Variants in MET observed in about 807,000 individuals in gnomAD.
The protein encoded by MET is hepatocyte growth factor receptor.
A neutral mutation model predicts 133.1 loss-of-function variants in MET; 48 were observed. The observed-to-expected ratio is 0.36, with a 90% CI of 0.29 to 0.46. The LOEUF is 0.46. Among genes scored for constraint, MET ranks in the 20% least tolerant of loss-of-function variants. The probability of loss-of-function intolerance (pLI) is 1.00; values close to 1 mark genes in which losing one functional copy is unlikely to be tolerated. For synonymous variants in MET, 628 were observed against 616.5 expected (o/e 1.02, Z -0.28); for missense variants, 1,442 against 1,695.9 (o/e 0.85, Z 2.63).
chr7:116,771,824 G>A (rs2116995344), intron 13 of MET, 25 bp from the exon 14 acceptor site: 1 of 1,613,650 alleles, frequency 6.2e-7, no homozygotes, highest in Non-Finnish European at 8.5e-7. Flanking sequence ...TCTTTAACAA[G>A]CTCTTTCTTT....
At chr7:116,734,594 T>C (rs1009436489) in intron 3 of MET, among the ~76,000 whole-genome samples, 3 of 152,258 alleles carry the variant, frequency 2.0e-5, no homozygotes, top group Non-Finnish European at 2.9e-5. Context: ...TACTGATGCA[T>C]ACATATATTT....
intron 1 of MET, among the ~76,000 whole-genome samples, chr7:116,697,655 C>A (rs1220008281): frequency 1.3e-5 from 2 of 152,162 alleles, no homozygotes; most frequent in Non-Finnish European, 2.9e-5. Context: ...ACACCTTCTG[C>A]ATCTCAGGCT....
intron 19 of MET, among the ~76,000 whole-genome samples, chr7:116,789,040 C>G (rs1584971247): frequency 6.6e-6 from 1 of 152,144 alleles, no homozygotes; most frequent in Non-Finnish European, 1.5e-5. Flanking sequence ...GTTCTCAGCC[C>G]TTATCTGCCT....
intron 17 of MET, among the ~76,000 whole-genome samples, chr7:116,780,220 G>A (rs1389010919): frequency 1.3e-5 from 2 of 151,970 alleles, no homozygotes; most frequent in African/African-American, 4.8e-5. Flanking sequence ...GGGAGGGTGG[G>A]AATAAGAATC....
intron 12 of MET, among the ~76,000 whole-genome samples, chr7:116,771,215 C>A (rs1437691322): frequency 6.6e-6 from 1 of 152,100 alleles, no homozygotes; most frequent in Non-Finnish European, 1.5e-5. Flanking sequence ...GTCTGTCTCC[C>A]CTTCTATACT....
chr7:116,778,704 TC>T, intron 16 of MET, 71 bp from the exon 17 acceptor site: 1 of 1,493,310 alleles, frequency 6.7e-7, no homozygotes, highest in East Asian at 2.3e-5. Flanking sequence ...TCATTGCTCT[TC>T]CTATCTAAAT....
At chr7:116,793,756 T>A (rs567511555) in intron 19 of MET, among the ~76,000 whole-genome samples, 101 of 151,572 alleles carry the variant, frequency 6.7e-4, no homozygotes, top group African/African-American at 2.4e-3. Context: ...AAAATTAGCC[T>A]GGCATGGTGG....
intron 19 of MET, among the ~76,000 whole-genome samples, chr7:116,788,278 T>C (rs1795378839): frequency 6.6e-6 from 1 of 152,160 alleles, no homozygotes; most frequent in Admixed American, 6.5e-5. Context: ...TCTATATAAA[T>C]TTACTAAACA....
At chr7:116,740,587 T>C (rs1793406506) in intron 4 of MET, among the ~76,000 whole-genome samples, 1 of 152,210 alleles carries the variant, frequency 6.6e-6, no homozygotes, top group Admixed American at 6.5e-5. Flanking sequence ...GTCCCTACTA[T>C]GTAGAACCTC....
At chr7:116,716,961 C>G (rs1432841316) in intron 2 of MET, among the ~76,000 whole-genome samples, 1 of 152,174 alleles carries the variant, frequency 6.6e-6, no homozygotes, top group Non-Finnish European at 1.5e-5. Context: ...ATTTTGCCCC[C>G]CCCAGCTTTG....
intron 19 of MET, among the ~76,000 whole-genome samples, chr7:116,788,348 G>T (rs772735574): frequency 1.7e-4 from 26 of 152,062 alleles, no homozygotes; most frequent in Non-Finnish European, 3.5e-4. Flanking sequence ...TGAGTTTTAT[G>T]ATCTATAAAT....
At chr7:116,753,805 T>G (rs2116896271) in intron 5 of MET, among the ~76,000 whole-genome samples, 1 of 152,326 alleles carries the variant, frequency 6.6e-6, no homozygotes, top group South Asian at 2.1e-4. Context: ...CATCAAATAG[T>G]GACCATATTT....
intron 1 of MET, chr7:116,695,639 T>G: frequency 3.0e-6 from 1 of 332,454 alleles, no homozygotes; most frequent in South Asian, 2.4e-5. Context: ...CTTAAGAGCA[T>G]GGATGGGTTC....
rs1794851181 is a variant in MET, at chr7:116,771,978, C to G, written c.3017C>G (p.Thr1006Ser). 6.2e-7 allele frequency: 1 copy of G among 1,613,806 alleles called. No individual in the cohort carries two copies. The highest frequency in any genetic ancestry group is 8.5e-7 in the Non-Finnish European group (1 of 1,179,754). ...AATGAATCTGTAGACTACCGAGCTA[C>G]TTTTCCAGAAGGTATATTTCAGTTT... ...VSNESVDYRA[T>S]FPEDQFPNSS... Residue 1006 changes from threonine (T) to serine (S), a missense_variant, in exon 14 of 21, where the codon ACT becomes AGT. Around this residue, in one of 6 missense-constraint regions of MET, gnomAD observed 514 missense variants for 659.6 expected, o/e 0.78. Transcript: ENST00000397752.
intron 1 of MET, among the ~76,000 whole-genome samples, chr7:116,680,482 G>A (rs982917490): frequency 1.3e-5 from 2 of 152,122 alleles, no homozygotes; most frequent in African/African-American, 4.8e-5. Context: ...TAATAAAGGA[G>A]AAGGCCTGGA....
intron 3 of MET, among the ~76,000 whole-genome samples, chr7:116,739,232 T>A (rs769773230): frequency 1.3e-5 from 2 of 152,176 alleles, no homozygotes; most frequent in African/African-American, 2.4e-5. Flanking sequence ...GGAAATTAGA[T>A]AGCTGGGAAA....
At chr7:116,749,182 T>C (rs1023242949) in intron 5 of MET, among the ~76,000 whole-genome samples, 48 of 152,220 alleles carry the variant, frequency 3.2e-4, no homozygotes, top group Admixed American at 7.2e-4. Flanking sequence ...CCAATATCCC[T>C]GATGAACATC....
intron 5 of MET, among the ~76,000 whole-genome samples, chr7:116,741,418 G>A (rs992457555): frequency 2.0e-5 from 3 of 152,060 alleles, no homozygotes; most frequent in African/African-American, 4.8e-5. Context: ...CTGATTCCTC[G>A]CCACTTCCTA....
At chr7:116,781,670 C>T (rs1013850503) in intron 17 of MET, among the ~76,000 whole-genome samples, 1 of 152,186 alleles carries the variant, frequency 6.6e-6, no homozygotes, top group Non-Finnish European at 1.5e-5. Context: ...TGGGCTCAAG[C>T]AATCCTCCTT....
Sources: gnomAD v4.1 joint callset for allele counts (sites outside exome capture counted in the v4.1 genomes callset) on GRCh38, gnomAD v4.1.1 for gene constraint, gnomAD v4.1.1 regional missense constraint, MANE v1.5 for transcripts, NCBI Gene and HGNC (gene_info 2026-07-23, HGNC 2026-07-21) for gene names.